Variants in PTPRT observed in about 807,000 individuals in gnomAD.
The protein encoded by PTPRT is protein tyrosine phosphatase receptor type T, also known as receptor-type tyrosine-protein phosphatase T.
Under a neutral mutation model 176.8 loss-of-function variants are expected in PTPRT, and 56 were observed. The ratio of observed to expected loss-of-function variants is 0.32; its 90% confidence interval spans 0.26 to 0.40. The LOEUF (loss-of-function observed/expected upper bound fraction) is 0.40. PTPRT is among the 10% of genes least tolerant of loss of function. PTPRT has a pLI of 1.00. For missense variants in PTPRT, 1,540 were observed against 1,908.2 expected, an observed-to-expected ratio of 0.81 and a Z score of 3.60; for synonymous variants, 783 against 739.0, an observed-to-expected ratio of 1.06 and a Z score of -0.96.
At chr20:42,419,331 G>T (rs935783396) in intron 9 of PTPRT, among the ~76,000 whole-genome samples, 4 of 152,168 alleles carry the variant, frequency 2.6e-5, no homozygotes, top group Non-Finnish European at 5.9e-5. Flanking sequence ...GGAAAGAGGG[G>T]TTCATTGCTT....
Position 42,627,370 on chromosome 20 carries a change from C to T in PTPRT, c.1153+50496G>A, listed in dbSNP as rs1273057220. Among the ~76,000 whole-genome samples, 10 of 152,024 alleles carry T rather than the reference C, an allele frequency of 6.6e-5. No individual in the cohort carries two copies. The East Asian group carries it at 1.7e-3, about 27-fold the overall frequency. ...CCTCGCACACCTGGGATCAAACAAC[C>T]CTCTTGCCTCAACCTCCCATGCCCA... On this transcript the variant is annotated intron_variant, in intron 7 of 30. Coordinates refer to ENST00000373187, the MANE Select transcript of PTPRT (RefSeq NM_007050.6).
chr20:42,184,575 T>TCTTCTTCTTCTTCTTCTGCTTCTG (rs1990674980), intron 16 of PTPRT, among the ~76,000 whole-genome samples: 3 of 138,970 alleles, frequency 2.2e-5, no homozygotes, highest in African/African-American at 8.3e-5. Flanking sequence ...TTCTTCTTCT[T>TCTTCTTCTTCTTCTTCTGCTTCTG]CTTCTTCTTC....
In PTPRT at chr20:42,481,633, T is replaced by C. The variant is rs914608644; in HGVS notation, c.1154-9071A>G. On this transcript the variant is annotated intron_variant, in intron 7 of 30. Transcript: ENST00000373187. ...CTCATCACATCTGGTTAGTTTTTTT[T>C]AATTTTTTTTTTAGAGGCAAGTATC... is the stretch of plus-strand genomic sequence containing the variant. Among the ~76,000 whole-genome samples, 4 of 152,012 alleles carry C rather than the reference T, an allele frequency of 2.6e-5. No homozygotes were observed. In the South Asian group the frequency reaches 8.3e-4, roughly 31 times the overall value.
intron 14 of PTPRT, among the ~76,000 whole-genome samples, chr20:42,237,253 T>C (rs1336466404): frequency 6.6e-6 from 1 of 152,202 alleles, no homozygotes; most frequent in Non-Finnish European, 1.5e-5. Context: ...GGGGGTAGTT[T>C]GTTACATGGC....
intron 2 of PTPRT, among the ~76,000 whole-genome samples, chr20:42,814,717 C>G (rs2077754234): frequency 6.6e-6 from 1 of 152,142 alleles, no homozygotes; most frequent in South Asian, 2.1e-4. Flanking sequence ...TAATTGATGG[C>G]AAGCATGTCA....
At chr20:42,175,627 A>G (rs142871023) in intron 16 of PTPRT, among the ~76,000 whole-genome samples, 102 of 152,232 alleles carry the variant, frequency 6.7e-4, no homozygotes, top group Middle Eastern at 3.4e-3. Context: ...TGTTGAACTC[A>G]TAAAATGGAA....
At chr20:42,758,157 T>G (rs773470295) in intron 5 of PTPRT, among the ~76,000 whole-genome samples, 3 of 152,192 alleles carry the variant, frequency 2.0e-5, no homozygotes, top group African/African-American at 7.2e-5. Context: ...AAAAGTGAAA[T>G]TGACTCCTTT....
intron 1 of PTPRT, among the ~76,000 whole-genome samples, chr20:43,080,246 C>T (rs964734237): frequency 6.6e-6 from 1 of 152,208 alleles, no homozygotes; most frequent in Non-Finnish European, 1.5e-5. Flanking sequence ...TTCCTGTCTG[C>T]TACTGTACCA....
intron 6 of PTPRT, among the ~76,000 whole-genome samples, chr20:42,694,861 C>T (rs549008564): frequency 5.3e-4 from 81 of 152,294 alleles, no homozygotes; most frequent in African/African-American, 1.8e-3. Context: ...ACTCAGAAGG[C>T]TGCAAACAGG....
chr20:42,757,149 G>T (rs375623905), intron 5 of PTPRT, among the ~76,000 whole-genome samples: 1 of 151,774 alleles, frequency 6.6e-6, no homozygotes, highest in African/African-American at 2.4e-5. Context: ...GAGCTGATTT[G>T]AGGACACAGG....
At chr20:42,584,664 C>A (rs1422774611) in intron 7 of PTPRT, among the ~76,000 whole-genome samples, 2 of 152,144 alleles carry the variant, frequency 1.3e-5, no homozygotes, top group Non-Finnish European at 2.9e-5. Context: ...TCTATTTAGA[C>A]CTCCTCTCCT....
chr20:42,046,857 T>A, the PTPRT span, among the ~76,000 whole-genome samples: 1 of 152,120 alleles, frequency 6.6e-6, no homozygotes, highest in Admixed American at 6.5e-5. Context: ...GCTCTGCCTG[T>A]AGCCACAGAA....
chr20:42,744,220 A>C (rs1322047255), intron 6 of PTPRT, among the ~76,000 whole-genome samples: 2 of 152,206 alleles, frequency 1.3e-5, no homozygotes, highest in African/African-American at 4.8e-5. Context: ...GCCAGACTCT[A>C]CCTGAGTTCA....
intron 15 of PTPRT, among the ~76,000 whole-genome samples, chr20:42,203,651 G>T (rs1000131885): frequency 2.6e-5 from 4 of 152,168 alleles, no homozygotes; most frequent in Non-Finnish European, 5.9e-5. Context: ...ACATGTACAT[G>T]TATAAGTCTC....
chr20:42,507,950 G>C (rs1366340106), intron 7 of PTPRT, among the ~76,000 whole-genome samples: 1 of 151,868 alleles, frequency 6.6e-6, no homozygotes, highest in East Asian at 1.9e-4. Flanking sequence ...GCTCTTCGAG[G>C]TCAATGCATG....
chr20:43,030,868 C>T (rs1986112794), intron 1 of PTPRT, among the ~76,000 whole-genome samples: 1 of 152,158 alleles, frequency 6.6e-6, no homozygotes. Context: ...AAAGCACAAA[C>T]CCACCTTAGA....
chr20:42,590,927 C>CAT (rs1223073157), intron 7 of PTPRT, among the ~76,000 whole-genome samples: 2 of 130,996 alleles, frequency 1.5e-5, no homozygotes, highest in Non-Finnish European at 3.3e-5. Flanking sequence ...AGAGATTTAG[C>CAT]GTGTGTGTGT....
At chr20:42,896,474 A>C (rs2079300064) in intron 1 of PTPRT, among the ~76,000 whole-genome samples, 1 of 152,050 alleles carries the variant, frequency 6.6e-6, no homozygotes. Context: ...CGTCTTCACT[A>C]AAAATACAAA....
chr20:42,599,567 T>C (rs945047553), intron 7 of PTPRT, among the ~76,000 whole-genome samples: 1 of 152,158 alleles, frequency 6.6e-6, no homozygotes, highest in African/African-American at 2.4e-5. Flanking sequence ...TCTGCTACTC[T>C]GCTATCTGGG....
Sources: allele counts gnomAD v4.1 joint callset (sites outside exome capture counted in the v4.1 genomes callset), GRCh38; gene constraint gnomAD v4.1.1; transcripts MANE v1.5; gene names NCBI Gene and HGNC (gene_info 2026-07-23, HGNC 2026-07-21).